Variants in N4BP2L2 observed in about 807,000 individuals in gnomAD.
N4BP2L2 encodes NEDD4 binding protein 2 like 2.
N4BP2L2 carries 50 observed loss-of-function variants against 56.2 expected under a neutral mutation model. That is an observed-to-expected ratio of 0.89 (90% CI 0.71 to 1.13). The LOEUF is 1.13. Among genes scored for constraint, N4BP2L2 ranks in the 50% most tolerant of loss-of-function variants. The pLI is 0.00. For synonymous variants in N4BP2L2, 203 were observed against 223.6 expected, an observed-to-expected ratio of 0.91 and a Z score of 0.82; for missense variants, 689 against 693.8, an observed-to-expected ratio of 0.99 and a Z score of 0.08.
chr13:32,489,247 T>C (rs2086546438), intron 6 of N4BP2L2, among the ~76,000 whole-genome samples: 1 of 152,250 alleles, frequency 6.6e-6, no homozygotes, highest in Admixed American at 6.5e-5. Flanking sequence ...ATTAGAATAA[T>C]TCCAATTTGA....
chr13:32,487,864 G>C (rs1331043161), intron 6 of N4BP2L2, among the ~76,000 whole-genome samples: 5 of 126,514 alleles, frequency 4.0e-5, no homozygotes, highest in African/African-American at 6.1e-5. Flanking sequence ...AAATTTATTT[G>C]ATTTTTTTTT....
exon 6 of N4BP2L2, chr13:32,517,591 T>C: frequency 7.5e-7 from 1 of 1,333,036 alleles, no homozygotes; most frequent in South Asian, 1.8e-5. Flanking sequence ...CCAAGAGTAT[T>C]ACAACAAGAG....
intron 6 of N4BP2L2, among the ~76,000 whole-genome samples, chr13:32,486,977 C>T (rs1353977040): frequency 1.3e-5 from 2 of 151,896 alleles, no homozygotes; most frequent in Non-Finnish European, 2.9e-5. Context: ...CCAGCCTGGG[C>T]TACAGAGCGA....
Position 32,520,901 on chromosome 13 carries a change from T to G in N4BP2L2, c.1550+472A>C, listed in dbSNP as rs143915533. ...GCAGAACAACTTACTCAGAATTGAC[T>G]TTACATTATGCAGATTCTTTGTTAT... On this transcript the variant is annotated intron_variant, in intron 5 of 5. Transcript: ENST00000267068. 7.2e-5 allele frequency among the ~76,000 whole-genome samples: 11 copies of G among 152,316 alleles called. No individual in the cohort carries two copies. The East Asian group carries it at 2.1e-3, about 29-fold the overall frequency.
At chr13:32,435,245 T>A (rs1364277550) in intron 9 of N4BP2L2, among the ~76,000 whole-genome samples, 1 of 152,126 alleles carries the variant, frequency 6.6e-6, no homozygotes, top group African/African-American at 2.4e-5. Flanking sequence ...CTGAATAATT[T>A]TTTTTTGAGG....
chr13:32,464,396 G>GT (rs1312078312), intron 6 of N4BP2L2, among the ~76,000 whole-genome samples: 4 of 152,138 alleles, frequency 2.6e-5, no homozygotes, highest in Non-Finnish European at 4.4e-5. Flanking sequence ...ATATGTTTGT[G>GT]TTTTTTTCTG....
At position 32,463,394 on chromosome 13, in the gene N4BP2L2, T is replaced by G. The variant is rs578240515; in HGVS notation, c.366-19268A>C. 6.6e-5 allele frequency among the ~76,000 whole-genome samples: 10 copies of G among 152,128 alleles called. No homozygotes were observed. The East Asian group carries it at 1.7e-3, about 27-fold the overall frequency. On this transcript the variant is annotated intron_variant, in intron 6 of 9. Coordinates refer to the N4BP2L2 transcript ENST00000357505. Reference sequence around the variant, plus strand: ...GAAAGGGCACATAGGCCAGGTGGGGTGGATCACGGCTATAATCCCAGCACT... The same window carrying G: ...GAAAGGGCACATAGGCCAGGTGGGGGGGATCACGGCTATAATCCCAGCACT...
intron 6 of N4BP2L2, among the ~76,000 whole-genome samples, chr13:32,471,507 C>T (rs1235248989): frequency 6.6e-6 from 1 of 152,232 alleles, no homozygotes. Flanking sequence ...TGTGCGGGCG[C>T]ACCCGAAGAA....
intron 6 of N4BP2L2, chr13:32,490,218 G>A (rs2086752758): frequency 1.3e-5 from 2 of 152,136 alleles, no homozygotes; most frequent in African/African-American, 2.4e-5. Flanking sequence ...CTATTACATA[G>A]GACAGTGCCT....
rs75356596 is a variant in N4BP2L2 at position 32,536,932 on chromosome 13, C to G, written c.96G>C (p.Ser32=). 5.0e-4 allele frequency: 802 copies of G among 1,613,894 alleles called. 5 individuals are homozygous for G. In the African/African-American group the frequency reaches 9.6e-3, roughly 19 times the overall value. Residue 32 remains serine, a synonymous_variant, in exon 2 of 6, where the codon TCG becomes TCC. Coordinates refer to ENST00000267068, the Ensembl canonical transcript of N4BP2L2. Reference sequence around the variant, plus strand: ...CATTACTATGATTGTGAAAAACATACGACTCTGTGGTTGACTTCAATTTTT... The same window carrying G: ...CATTACTATGATTGTGAAAAACATAGGACTCTGTGGTTGACTTCAATTTTT...
At chr13:32,455,740 C>G (rs1202140662) in intron 6 of N4BP2L2, among the ~76,000 whole-genome samples, 2 of 152,190 alleles carry the variant, frequency 1.3e-5, no homozygotes, top group East Asian at 3.9e-4. Flanking sequence ...GCCCACTACC[C>G]TGGGGCCTGA....
chr13:32,524,517 A>T (rs1280241606), intron 3 of N4BP2L2: 2 of 152,244 alleles, frequency 1.3e-5, no homozygotes, highest in African/African-American at 4.8e-5. Flanking sequence ...TCATACTGTT[A>T]GAAAGAGAAG....
At position 32,481,118 on chromosome 13, in the gene N4BP2L2, CAAAAAAAAAAAAAAAA is replaced by C. The variant is rs60854435; in HGVS notation, c.365+36723_365+36738del. 3.4e-4 allele frequency among the ~76,000 whole-genome samples: 7 copies of C among 20,714 alleles called. No homozygotes were observed. In the Admixed American group the frequency reaches 3.7e-3, roughly 11 times the overall value. The allele number at this position is 20,714 out of a possible 152,430, so 13.6% of individuals were successfully genotyped here. ...TCAGCAACAGAGTGAGACTCTGTCT[CAAAAAAAAAAAAAAAA>C]AAAAAAAAAAAAAAGGATTGCACTT... On this transcript the variant is annotated intron_variant, in intron 6 of 9. Coordinates refer to the N4BP2L2 transcript ENST00000357505.
At chr13:32,529,810 C>T (rs540073961) in intron 2 of N4BP2L2, among the ~76,000 whole-genome samples, 3 of 151,790 alleles carry the variant, frequency 2.0e-5, no homozygotes, top group Admixed American at 2.0e-4. Flanking sequence ...ACTGCAACCT[C>T]CACCTCCCAA....
rs141911001 is a variant in N4BP2L2, at chr13:32,529,717, ATTTCT to A, written c.1260-2190_1260-2186del. ...CATTCTATTACTTTATTAGCAGGTC[ATTTCT>A]TTTCTTTTCTTTTTTTTTTTTAGAC... On this transcript the variant is annotated intron_variant, in intron 2 of 5. Coordinates refer to ENST00000267068, the Ensembl canonical transcript of N4BP2L2. Among the ~76,000 whole-genome samples the A allele has an allele frequency of 4.4e-3, 624 of 141,558 alleles. 4 individuals carry two copies. The highest frequency in any genetic ancestry group is 0.016 in the African/African-American group (600 of 38,216). 92.9% of individuals were successfully genotyped at this position (141,558 alleles called of 152,430 possible). A position where few individuals can be genotyped will look rare whatever the true frequency, so the allele number is the denominator to read the frequency against.
chr13:32,506,056 A>C (rs2090891967), downstream of N4BP2L2: 1 of 152,206 alleles, frequency 6.6e-6, no homozygotes, highest in African/African-American at 2.4e-5. Flanking sequence ...AGTATCACAG[A>C]TTGGGTAGTT....
chr13:32,532,590 C>CTTT (rs759146834), intron 2 of N4BP2L2, among the ~76,000 whole-genome samples: 2 of 128,392 alleles, frequency 1.6e-5, no homozygotes, highest in Non-Finnish European at 3.3e-5. Context: ...TTTCTTTTTT[C>CTTT]TTTTTTTTTT....
At chr13:32,461,872 C>T (rs1374118966) in intron 6 of N4BP2L2, among the ~76,000 whole-genome samples, 2 of 152,034 alleles carry the variant, frequency 1.3e-5, no homozygotes, top group African/African-American at 2.4e-5. Flanking sequence ...AATGTGCTGC[C>T]ATTGTATGTG....
chr13:32,474,366 A>G (rs2082860143), intron 6 of N4BP2L2, among the ~76,000 whole-genome samples: 1 of 152,026 alleles, frequency 6.6e-6, no homozygotes, highest in African/African-American at 2.4e-5. Context: ...ACAAAATGTC[A>G]CGGTCAATTA....
Sources: gnomAD v4.1 joint callset for allele counts (sites outside exome capture counted in the v4.1 genomes callset) on GRCh38, gnomAD v4.1.1 for gene constraint, MANE v1.5 for transcripts, NCBI Gene and HGNC (gene_info 2026-07-23, HGNC 2026-07-21) for gene names.